PARD3B: variants seen among roughly 807,000 people sequenced by gnomAD.
The protein encoded by PARD3B is par-3 family cell polarity regulator beta, also known as partitioning defective 3 homolog B.
In PARD3B, 103 loss-of-function variants were observed where a neutral mutation model predicts 130.2. The ratio of observed to expected loss-of-function variants is 0.79; its 90% CI spans 0.67 to 0.93. The LOEUF (loss-of-function observed/expected upper bound fraction) is 0.93. PARD3B is among the 40% of genes least tolerant of loss of function. PARD3B has a pLI of 0.00. For missense variants in PARD3B, 1,609 were observed against 1,499.2 expected (o/e 1.07, Z -1.21); for synonymous variants, 583 against 553.2 (o/e 1.05, Z -0.76).
chr2:205,178,914 A>C (rs1326340355), intron 13 of PARD3B, among the ~76,000 whole-genome samples: 1 of 152,214 alleles, frequency 6.6e-6, no homozygotes, highest in African/African-American at 2.4e-5. Context: ...ATTTTTTAAA[A>C]AAGGTAACTG....
At chr2:204,707,403 C>A (rs1174964662) in intron 2 of PARD3B, among the ~76,000 whole-genome samples, 1 of 152,140 alleles carries the variant, frequency 6.6e-6, no homozygotes, top group Non-Finnish European at 1.5e-5. Context: ...ATCACTGTTA[C>A]AACTTTTTGG....
chr2:204,995,058 T>C (rs972820824), intron 3 of PARD3B, among the ~76,000 whole-genome samples: 7 of 151,694 alleles, frequency 4.6e-5, no homozygotes, highest in African/African-American at 1.7e-4. Flanking sequence ...TGTCTTTTAA[T>C]TGGAGAATTT....
At chr2:205,032,686 G>A (rs1237559017) in intron 3 of PARD3B, among the ~76,000 whole-genome samples, 4 of 152,094 alleles carry the variant, frequency 2.6e-5, no homozygotes, top group Admixed American at 1.3e-4. Context: ...GGCCTGAGTG[G>A]CCCTTTCCTG....
At position 205,589,742 on chromosome 2, in the gene PARD3B, T is replaced by C. The variant is rs2054318784; in HGVS notation, c.3261-25714T>C. ...CTTTCTCAGAAGTAGACTAACATAATTGCATATGTAGTTACTAAAGTTAGT... is the reference window on the plus strand; with the variant it reads ...CTTTCTCAGAAGTAGACTAACATAACTGCATATGTAGTTACTAAAGTTAGT... On this transcript the variant is annotated intron_variant, in intron 22 of 22. Coordinates refer to ENST00000406610, the MANE Select transcript of PARD3B (RefSeq NM_001302769.2). The surrounding 1 kb of genome is among the most constrained non-coding windows in gnomAD (Gnocchi z 4.1). 6.6e-6 allele frequency among the ~76,000 whole-genome samples: 1 copy of C among 152,156 alleles called. No individual in the cohort carries two copies. The highest frequency in any genetic ancestry group is 1.5e-5 in the Non-Finnish European group (1 of 68,026).
chr2:205,039,318 C>T (rs1698229749), intron 3 of PARD3B, among the ~76,000 whole-genome samples: 1 of 152,060 alleles, frequency 6.6e-6, no homozygotes, highest in African/African-American at 2.4e-5. Flanking sequence ...AGTTTGGATG[C>T]CTTGACTAGT....
At chr2:205,164,916 A>G (rs750396141) in intron 11 of PARD3B, among the ~76,000 whole-genome samples, 2 of 136,008 alleles carry the variant, frequency 1.5e-5, no homozygotes, top group Non-Finnish European at 3.2e-5. Flanking sequence ...CCACAGTATG[A>G]ACTCTGCATA....
At chr2:204,657,083 C>T (rs552386124) in intron 1 of PARD3B, among the ~76,000 whole-genome samples, 89 of 152,248 alleles carry the variant, frequency 5.8e-4, no homozygotes, top group African/African-American at 1.9e-3. Context: ...GAGTTCTAGG[C>T]CATACTGTTT....
At chr2:204,986,052 G>C (rs1321622732) in intron 3 of PARD3B, among the ~76,000 whole-genome samples, 2 of 121,746 alleles carry the variant, frequency 1.6e-5, no homozygotes, top group South Asian at 2.7e-4. Context: ...AGTGAGCCGA[G>C]ATAGTGCCAT....
rs559623632 is a variant in PARD3B at position 204,723,348 on chromosome 2, G to A, written c.222+37066G>A. ...TTTATAGACATAATACATATATTTT[G>A]TATGTTTTTGTAATTTTTGGGAAAA... On this transcript the variant is annotated intron_variant, in intron 2 of 22. Coordinates refer to ENST00000406610, the MANE Select transcript of PARD3B (RefSeq NM_001302769.2). Among the ~76,000 whole-genome samples, 4 of 152,098 alleles carry A rather than the reference G, an allele frequency of 2.6e-5. No homozygotes were observed. In the East Asian group the frequency reaches 7.7e-4, roughly 29 times the overall value.
chr2:205,219,319 TAG>T (rs2038114782), intron 15 of PARD3B, among the ~76,000 whole-genome samples: 1 of 152,202 alleles, frequency 6.6e-6, no homozygotes, highest in African/African-American at 2.4e-5. Flanking sequence ...ATGAGTTCAC[TAG>T]AGTGTGTGAA....
At position 205,616,199 on chromosome 2, in the gene PARD3B, C is replaced by T. The variant is rs746261380; in HGVS notation, c.*386C>T. Reference sequence around the variant, plus strand: ...GACACGTGGACATCCCCCTCTGAGACTGGCGGTCCAGAGGCAGTCTCTGCC... The same window carrying T: ...GACACGTGGACATCCCCCTCTGAGATTGGCGGTCCAGAGGCAGTCTCTGCC... On this transcript the variant is annotated 3_prime_UTR_variant, in exon 23 of 23. Coordinates refer to ENST00000406610, the MANE Select transcript of PARD3B (RefSeq NM_001302769.2). 11 of 186,794 alleles carry T rather than the reference C, an allele frequency of 5.9e-5. No homozygotes were observed. The highest frequency in any genetic ancestry group is 4.2e-3 in the Middle Eastern group (2 of 478). The allele number at this position is 186,794 out of a possible 1,614,324, so 11.6% of individuals were successfully genotyped here.
intron 18 of PARD3B, among the ~76,000 whole-genome samples, chr2:205,392,246 A>G (rs974558942): frequency 4.6e-5 from 7 of 152,028 alleles, no homozygotes; most frequent in African/African-American, 1.4e-4. Context: ...ACGTTATAGG[A>G]CCTCCCTGCT....
At chr2:204,982,854 G>A (rs1692792302) in intron 3 of PARD3B, among the ~76,000 whole-genome samples, 1 of 152,194 alleles carries the variant, frequency 6.6e-6, no homozygotes, top group South Asian at 2.1e-4. Flanking sequence ...TTATGAATTT[G>A]TAGTATACTC....
Position 205,591,394 on chromosome 2 carries a change from A to G in PARD3B, c.3261-24062A>G, listed in dbSNP as rs1262330497. On this transcript the variant is annotated intron_variant, in intron 22 of 22. Coordinates refer to ENST00000406610, the MANE Select transcript of PARD3B (RefSeq NM_001302769.2). The surrounding 1 kb of genome is among the most constrained non-coding windows in gnomAD (Gnocchi z 4.2). ...GAGAAAAGCACATGAGAAGTTATGG[A>G]ATCAAGAATAAATAAAAAGTTGGGG... Among the ~76,000 whole-genome samples the G allele has an allele frequency of 2.0e-5, 3 of 152,214 alleles. No homozygotes were observed. In the East Asian group the frequency reaches 5.8e-4, roughly 29 times the overall value.
At chr2:204,571,759 A>T (rs2032017686) in intron 1 of PARD3B, among the ~76,000 whole-genome samples, 1 of 152,220 alleles carries the variant, frequency 6.6e-6, no homozygotes, top group East Asian at 1.9e-4. Flanking sequence ...TAGATGAGTG[A>T]ATGAGAAGTT....
rs1239894614 is a variant in PARD3B, at chr2:205,470,783, T to C, written c.3045-29113T>C. ...GTGAGACAGGGCAGAGAAAGTCATG[T>C]TTGACTCTATTAGGAAAAATTCTAT... On this transcript the variant is annotated intron_variant, in intron 20 of 22. Transcript: ENST00000406610. This position sits in a 1 kb window ranked among gnomAD's most constrained non-coding sequence, Gnocchi z 4.8. 6.6e-6 allele frequency among the ~76,000 whole-genome samples: 1 copy of C among 152,190 alleles called. No individual in the cohort carries two copies. The highest frequency in any genetic ancestry group is 1.5e-5 in the Non-Finnish European group (1 of 68,022).
At chr2:205,171,617 AG>A (rs1460480534) in intron 11 of PARD3B, among the ~76,000 whole-genome samples, 2 of 152,230 alleles carry the variant, frequency 1.3e-5, no homozygotes, top group Non-Finnish European at 2.9e-5. Flanking sequence ...AGAAAATATC[AG>A]GGCGAACTGG....
At chr2:204,839,305 G>A (rs1228027737) in intron 2 of PARD3B, among the ~76,000 whole-genome samples, 2 of 152,068 alleles carry the variant, frequency 1.3e-5, no homozygotes, top group East Asian at 1.9e-4. Flanking sequence ...ACATATCATC[G>A]TATCAATTTT....
rs550580113 is a variant in PARD3B, at chr2:205,395,106, A to G, written c.2631-5907A>G. ...TTCCTTTCAGCAACTGAAATATTCT[A>G]TGGTATAAGCCAAATTGAAAACCTC... On this transcript the variant is annotated intron_variant, in intron 18 of 22. Transcript: ENST00000406610. 1.1e-3 allele frequency among the ~76,000 whole-genome samples: 167 copies of G among 152,216 alleles called. 1 individual carries two copies. The highest frequency in any genetic ancestry group is 1.7e-3 in the Non-Finnish European group (116 of 68,002).
Sources: allele counts gnomAD v4.1 joint callset (sites outside exome capture counted in the v4.1 genomes callset), GRCh38; gene constraint gnomAD v4.1.1; non-coding constraint Gnocchi (gnomAD v3.1); transcripts MANE v1.5; gene names NCBI Gene and HGNC (gene_info 2026-07-23, HGNC 2026-07-21).